Variants in DNAJC3 observed in about 807,000 individuals in gnomAD.
The protein encoded by DNAJC3 is dnaJ homolog subfamily C member 3.
In DNAJC3, 38 loss-of-function variants were observed where a neutral mutation model predicts 68.6. That is an observed-to-expected ratio of 0.55 (90% CI 0.43 to 0.73). The LOEUF (loss-of-function observed/expected upper bound fraction) is 0.73, where lower values mean the gene tolerates loss of function less well. Among genes scored for constraint, DNAJC3 ranks in the 30% least tolerant of loss-of-function variants. The probability of loss-of-function intolerance (pLI) is 0.00; values close to 1 mark genes in which losing one functional copy is unlikely to be tolerated. For synonymous variants in DNAJC3, 203 were observed against 204.0 expected, an observed-to-expected ratio of 1.00 and a Z score of 0.04; for missense variants, 526 against 591.9, an observed-to-expected ratio of 0.89 and a Z score of 1.16.
At chr13:95,752,837 C>T (rs1882522897) in intron 4 of DNAJC3, among the ~76,000 whole-genome samples, 1 of 152,172 alleles carries the variant, frequency 6.6e-6, no homozygotes, top group African/African-American at 2.4e-5. Flanking sequence ...GTGGTTACTA[C>T]TTTAAGGTTA....
chr13:95,728,331 C>T (rs112501406), intron 4 of DNAJC3, among the ~76,000 whole-genome samples: 2,595 of 152,170 alleles, frequency 0.017, 77 homozygotes, highest in African/African-American at 0.06. Flanking sequence ...GCATCCTTGC[C>T]GGCATTTGGT....
chr13:95,759,236 T>TTTTC (rs1032209170), intron 5 of DNAJC3, among the ~76,000 whole-genome samples: 3 of 152,136 alleles, frequency 2.0e-5, no homozygotes, highest in Non-Finnish European at 4.4e-5. Context: ...TCACGGTATT[T>TTTTC]TTTCTTTCTT....
intron 4 of DNAJC3, among the ~76,000 whole-genome samples, chr13:95,738,011 T>A (rs1417817834): frequency 7.5e-6 from 1 of 134,088 alleles, no homozygotes; most frequent in Non-Finnish European, 1.6e-5. Flanking sequence ...CCAGAGATTC[T>A]GGTATGTTGT....
Position 95,677,216 on chromosome 13 carries a change from C to T in DNAJC3, c.-40C>T, listed in dbSNP as rs761646671. On this transcript the variant is annotated 5_prime_UTR_variant, in exon 1 of 12. Coordinates refer to ENST00000602402, the MANE Select transcript of DNAJC3 (RefSeq NM_006260.5). Reference sequence around the variant, plus strand: ...CGGAGCGCCGGCGCGTGCTGGTGGGCCACACACCTTTCCTCCTCTTCACTC... The same window carrying T: ...CGGAGCGCCGGCGCGTGCTGGTGGGTCACACACCTTTCCTCCTCTTCACTC... The T allele has an allele frequency of 4.4e-6, 7 of 1,581,726 alleles. No homozygotes were observed. Among genetic ancestry groups the T allele is most frequent in the East Asian group, 2.4e-5 (1 of 42,448 alleles).
chr13:95,753,453 A>G (rs1289353891), intron 4 of DNAJC3, among the ~76,000 whole-genome samples: 1 of 147,154 alleles, frequency 6.8e-6, no homozygotes, highest in Non-Finnish European at 1.5e-5. Context: ...CATATACCTC[A>G]AGTGTTACAT....
At chr13:95,708,090 A>G (rs1448767353) in intron 1 of DNAJC3, among the ~76,000 whole-genome samples, 1 of 152,088 alleles carries the variant, frequency 6.6e-6, no homozygotes, top group African/African-American at 2.4e-5. Flanking sequence ...CCTCATCCAT[A>G]CCATGCAGCA....
chr13:95,702,175 T>C (rs1281051155), intron 1 of DNAJC3, among the ~76,000 whole-genome samples: 1 of 152,202 alleles, frequency 6.6e-6, no homozygotes, highest in African/African-American at 2.4e-5. Flanking sequence ...GTTTTGATAA[T>C]CACATATAAC....
At chr13:95,687,572 T>C (rs79843053) in intron 1 of DNAJC3, among the ~76,000 whole-genome samples, 3,206 of 152,242 alleles carry the variant, frequency 0.021, 74 homozygotes, top group East Asian at 0.098. Context: ...GCTAGCAGTT[T>C]ATCAATTTTG....
rs1236549123 is a variant in DNAJC3, at chr13:95,725,844, T to G, written c.393+592T>G. ...CCCCCCTCCCCCCACCCCACAACAG[T>G]CCCCGGAGTGTGATGTTCCCCTTCC... On this transcript the variant is annotated intron_variant, in intron 4 of 11. Transcript: ENST00000602402. Among the ~76,000 whole-genome samples the G allele has an allele frequency of 4.0e-4, 41 of 102,356 alleles. No homozygotes were observed. In the East Asian group the frequency reaches 4.2e-3, roughly 11 times the overall value. 67.1% of individuals were successfully genotyped at this position (102,356 alleles called of 152,430 possible).
At chr13:95,723,166 G>A in intron 2 of DNAJC3, 76 bp from the exon 3 acceptor site, 2 of 1,373,504 alleles carry the variant, frequency 1.5e-6, no homozygotes, top group East Asian at 2.5e-5. Context: ...TGCTGATACT[G>A]TCCAGGTGAT....
In DNAJC3 at chr13:95,694,331, A is replaced by T. The variant is rs546273056; in HGVS notation, c.83-14896A>T. On this transcript the variant is annotated intron_variant, in intron 1 of 11. Coordinates refer to ENST00000602402, the MANE Select transcript of DNAJC3 (RefSeq NM_006260.5). ...ACCATCATACCACCCAAATAAATCTAAAAGACTATTAACCCTGTAAAAGCC... is the reference window on the plus strand; with the variant it reads ...ACCATCATACCACCCAAATAAATCTTAAAGACTATTAACCCTGTAAAAGCC... 3.9e-5 allele frequency: 6 copies of T among 152,746 alleles called. No homozygotes were observed. In the East Asian group the frequency reaches 1.2e-3, roughly 29 times the overall value. 9.5% of individuals were successfully genotyped at this position (152,746 alleles called of 1,614,324 possible).
At chr13:95,706,502 C>A (rs1336889267) in intron 1 of DNAJC3, among the ~76,000 whole-genome samples, 2 of 152,150 alleles carry the variant, frequency 1.3e-5, no homozygotes, top group Non-Finnish European at 2.9e-5. Context: ...TCCTTTGGGT[C>A]ATAGTATATA....
In DNAJC3 at chr13:95,791,417, T is replaced by C. The variant is rs887329580; in HGVS notation, c.*387T>C. ...CAAGTGTAAGAAGGAGCTGTAATCT[T>C]CATGAGGATGGTTATACTTCAGTAT... On this transcript the variant is annotated 3_prime_UTR_variant, in exon 12 of 12. Coordinates refer to ENST00000602402, the MANE Select transcript of DNAJC3 (RefSeq NM_006260.5). 1 of 224,924 alleles carries C rather than the reference T, an allele frequency of 4.4e-6. No individual in the cohort carries two copies. Among genetic ancestry groups the C allele is most frequent in the Non-Finnish European group, 8.8e-6 (1 of 113,610 alleles). 13.9% of individuals were successfully genotyped at this position (224,924 alleles called of 1,614,324 possible). A position where few individuals can be genotyped will look rare whatever the true frequency, so the allele number is the denominator to read the frequency against.
chr13:95,708,874 G>A (rs189061388), intron 1 of DNAJC3, among the ~76,000 whole-genome samples: 28 of 152,152 alleles, frequency 1.8e-4, no homozygotes, highest in East Asian at 1.7e-3. Context: ...CTTAAATATT[G>A]TAACAGTCTC....
At chr13:95,691,452 C>T (rs1230826934) in intron 1 of DNAJC3, among the ~76,000 whole-genome samples, 12 of 148,878 alleles carry the variant, frequency 8.1e-5, no homozygotes, top group South Asian at 2.1e-4. Flanking sequence ...ACATCTCAGA[C>T]GATGGGCGGC....
At chr13:95,697,271 C>T (rs531850592) in intron 1 of DNAJC3, among the ~76,000 whole-genome samples, 84 of 152,078 alleles carry the variant, frequency 5.5e-4, no homozygotes, top group Non-Finnish European at 9.3e-4. Context: ...GTTTCTCTTT[C>T]GTTTATGAAG....
At chr13:95,708,009 C>T (rs1880815423) in intron 1 of DNAJC3, among the ~76,000 whole-genome samples, 1 of 152,084 alleles carries the variant, frequency 6.6e-6, no homozygotes, top group Admixed American at 6.6e-5. Context: ...AGTGTGTGGG[C>T]TGAGGTTGCC....
At position 95,757,774 on chromosome 13, in the gene DNAJC3, C is replaced by G; in HGVS notation, c.524C>G (p.Ala175Gly). The change falls in exon 5 of 12, where the codon GCC becomes GGC. Residue 175 changes from alanine to glycine, a missense_variant. Ala to Gly is a moderately conservative substitution (Grantham distance 60). Transcript: ENST00000602402. ...AGTGGAGATTATACTGCTGCTATAG[C>G]CTTCCTTGATAAGATTTTAGAGGTA... is the stretch of plus-strand genomic sequence containing the variant. ...FGSGDYTAAI[A>G]FLDKILEVCV... The G allele has an allele frequency of 6.5e-7, 1 of 1,549,030 alleles. No individual in the cohort carries two copies. Among genetic ancestry groups the G allele is most frequent in the Non-Finnish European group, 8.8e-7 (1 of 1,131,960 alleles).
chr13:95,769,015 A>G (rs1341949489), intron 9 of DNAJC3, among the ~76,000 whole-genome samples: 5 of 144,406 alleles, frequency 3.5e-5, no homozygotes, highest in Non-Finnish European at 7.4e-5. Context: ...CTATATCTAT[A>G]TCTATATCTA....
Sources: allele counts gnomAD v4.1 joint callset (sites outside exome capture counted in the v4.1 genomes callset), GRCh38; gene constraint gnomAD v4.1.1; transcripts MANE v1.5; gene names NCBI Gene and HGNC (gene_info 2026-07-23, HGNC 2026-07-21).